C4orf51: variants seen among roughly 807,000 people sequenced by gnomAD.
C4orf51 encodes the protein uncharacterized protein C4orf51.
Under a neutral mutation model 25.2 loss-of-function variants are expected in C4orf51, and 25 were observed. That is an observed-to-expected ratio of 0.99 (90% CI 0.72 to 1.39). C4orf51 has a LOEUF of 1.39. C4orf51 is among the 40% of genes most tolerant of loss of function. C4orf51 has a pLI of 0.00. For synonymous variants in C4orf51, 100 were observed against 84.5 expected (o/e 1.18, Z -1.01); for missense variants, 252 against 239.6 (o/e 1.05, Z -0.34).
At chr4:145,690,153 G>C (rs574336892) in intron 1 of C4orf51, among the ~76,000 whole-genome samples, 3 of 149,826 alleles carry the variant, frequency 2.0e-5, no homozygotes, top group Admixed American at 6.7e-5. Context: ...GTTGCAGTGA[G>C]CTGAGATTGC....
chr4:145,718,818 C>G lies in C4orf51; in HGVS notation c.308-8093C>G, dbSNP rs538185790. On this transcript the variant is annotated intron_variant, in intron 2 of 5. Coordinates refer to ENST00000438731, the MANE Select transcript of C4orf51 (RefSeq NM_001080531.3). ...GCAACTTGAAACTGCTAAGCTATTT[C>G]CCACCTCAGGACCTTTACACGTGCT... Among the ~76,000 whole-genome samples the G allele has an allele frequency of 3.3e-5, 5 of 152,308 alleles. No homozygotes were observed. The South Asian group carries it at 1.0e-3, about 32-fold the overall frequency.
chr4:145,727,907 A>G lies in C4orf51; in HGVS notation c.366+938A>G, dbSNP rs1185344120. On this transcript the variant is annotated intron_variant, in intron 3 of 5. Coordinates refer to ENST00000438731, the MANE Select transcript of C4orf51 (RefSeq NM_001080531.3). Reference sequence around the variant, plus strand: ...ACAAAAAAAATGTGTATATATATATATATATATATATATATAAAATATATT... The same window carrying G: ...ACAAAAAAAATGTGTATATATATATGTATATATATATATATAAAATATATT... Among the ~76,000 whole-genome samples, 15 of 108,062 alleles carry G rather than the reference A, an allele frequency of 1.4e-4. 1 individual carries two copies. Among genetic ancestry groups the G allele is most frequent in the South Asian group, 5.5e-4 (2 of 3,640 alleles). The allele number at this position is 108,062 out of a possible 152,430, so 70.9% of individuals were successfully genotyped here.
At chr4:145,781,273 A>T in the C4orf51 span, among the ~76,000 whole-genome samples, 2 of 151,560 alleles carry the variant, frequency 1.3e-5, no homozygotes, top group East Asian at 3.8e-4. Flanking sequence ...CAGAGATAAC[A>T]TCAGAAGAAA....
At chr4:145,690,834 C>T (rs1729506338) in intron 1 of C4orf51, among the ~76,000 whole-genome samples, 2 of 152,114 alleles carry the variant, frequency 1.3e-5, no homozygotes, top group African/African-American at 4.8e-5. Context: ...GGTGTGGTGG[C>T]TCATGACTGT....
intron 1 of C4orf51, among the ~76,000 whole-genome samples, chr4:145,744,815 T>C (rs1331955582): frequency 6.6e-6 from 1 of 151,076 alleles, no homozygotes; most frequent in African/African-American, 2.4e-5. Flanking sequence ...ATAGCGCCAC[T>C]GTACTCCAGC....
the C4orf51 span, among the ~76,000 whole-genome samples, chr4:145,781,195 C>CAAAAAAAAAAAAA: frequency 1.2e-3 from 69 of 56,536 alleles, no homozygotes; most frequent in East Asian, 3.4e-3. Context: ...GACACCATCT[C>CAAAAAAAAAAAAA]AAAAAAAAAA....
chr4:145,782,127 C>A, the C4orf51 span, among the ~76,000 whole-genome samples: 2 of 152,200 alleles, frequency 1.3e-5, no homozygotes, highest in African/African-American at 2.4e-5. Flanking sequence ...CAACTCCAAG[C>A]CTCGTCTAGG....
chr4:145,729,510 C>A (rs908400359), intron 4 of C4orf51, among the ~76,000 whole-genome samples: 5 of 151,988 alleles, frequency 3.3e-5, no homozygotes, highest in East Asian at 1.9e-4. Flanking sequence ...ACCGTGTTAG[C>A]CAGGATGGTC....
chr4:145,756,495 T>C (rs564059305), downstream of C4orf51, among the ~76,000 whole-genome samples: 1 of 152,294 alleles, frequency 6.6e-6, no homozygotes, highest in East Asian at 1.9e-4. Flanking sequence ...AGACCATTTC[T>C]CAAAGTCACT....
chr4:145,683,868 G>C (rs1193099949), intron 1 of C4orf51, among the ~76,000 whole-genome samples: 1 of 152,016 alleles, frequency 6.6e-6, no homozygotes, highest in Non-Finnish European at 1.5e-5. Flanking sequence ...CAACACCAAA[G>C]GTATGATCCA....
At chr4:145,719,059 C>T (rs1731573404) in intron 2 of C4orf51, among the ~76,000 whole-genome samples, 1 of 152,192 alleles carries the variant, frequency 6.6e-6, no homozygotes, top group South Asian at 2.1e-4. Flanking sequence ...TTATCTCTTT[C>T]TCCTACTAGA....
chr4:145,736,487 C>T (rs1732809314), downstream of C4orf51, among the ~76,000 whole-genome samples: 1 of 152,070 alleles, frequency 6.6e-6, no homozygotes, highest in South Asian at 2.1e-4. Flanking sequence ...TCCTCTCAGC[C>T]ACACCTGGTC....
intron 2 of C4orf51, among the ~76,000 whole-genome samples, chr4:145,706,186 T>C (rs1458524985): frequency 6.6e-6 from 1 of 152,202 alleles, no homozygotes; most frequent in African/African-American, 2.4e-5. Flanking sequence ...AGACAAATCA[T>C]GATAGAACTG....
downstream of C4orf51, among the ~76,000 whole-genome samples, chr4:145,737,579 A>G (rs1732872877): frequency 6.6e-6 from 1 of 152,074 alleles, no homozygotes. Flanking sequence ...AGAGTGGGTA[A>G]TACATTTTTC....
chr4:145,700,551 C>T (rs1730365991), intron 2 of C4orf51, among the ~76,000 whole-genome samples: 1 of 152,166 alleles, frequency 6.6e-6, no homozygotes, highest in Non-Finnish European at 1.5e-5. Context: ...CGGAAAATGG[C>T]ACTTTCAATT....
chr4:145,749,083 A>ATT (rs1733538689), intron 1 of C4orf51, among the ~76,000 whole-genome samples: 1 of 148,606 alleles, frequency 6.7e-6, no homozygotes, highest in African/African-American at 2.4e-5. Flanking sequence ...ATATATATAT[A>ATT]TATGTATATA....
chr4:145,743,006 G>A (rs1250363536), intron 1 of C4orf51, among the ~76,000 whole-genome samples: 1 of 152,176 alleles, frequency 6.6e-6, no homozygotes, highest in African/African-American at 2.4e-5. Flanking sequence ...AGAGCAAGAG[G>A]AAGAAAAAGA....
intron 1 of C4orf51, among the ~76,000 whole-genome samples, chr4:145,749,065 G>GTATA (rs70956871): frequency 6.8e-4 from 79 of 116,100 alleles, no homozygotes; most frequent in Non-Finnish European, 1.0e-3. Flanking sequence ...GTGTGTGTGT[G>GTATA]TATATATATA....
chr4:145,736,142 C>G (rs563393331), downstream of C4orf51, among the ~76,000 whole-genome samples: 2 of 152,000 alleles, frequency 1.3e-5, no homozygotes, highest in African/African-American at 4.8e-5. Flanking sequence ...GGGGCTTGAA[C>G]ACGTGCTGTA....
Sources: gnomAD v4.1 joint callset for allele counts (sites outside exome capture counted in the v4.1 genomes callset) on GRCh38, gnomAD v4.1.1 for gene constraint, MANE v1.5 for transcripts, NCBI Gene and HGNC (gene_info 2026-07-23, HGNC 2026-07-21) for gene names.